Variants in VEZT observed in about 807,000 individuals in gnomAD.
VEZT encodes the protein vezatin, adherens junctions transmembrane protein.
Under a neutral mutation model 79.9 loss-of-function variants are expected in VEZT, and 39 were observed. The observed-to-expected ratio is 0.49, with a 90% CI of 0.38 to 0.64. The LOEUF is 0.64. Ranked by LOEUF, VEZT falls within the 30% of genes least tolerant of loss-of-function variation. VEZT has a pLI of 0.00. For missense variants in VEZT, 837 were observed against 893.1 expected (o/e 0.94, Z 0.80); for synonymous variants, 325 against 327.6 (o/e 0.99, Z 0.09).
intron 1 of VEZT, among the ~76,000 whole-genome samples, chr12:95,226,056 C>G (rs530554073): frequency 9.3e-5 from 14 of 150,284 alleles, no homozygotes; most frequent in Admixed American, 2.0e-4. Context: ...GATGAGGCCA[C>G]TGCACTCTGC....
At chr12:95,273,790 T>G (rs1374109726) in intron 6 of VEZT, among the ~76,000 whole-genome samples, 1 of 152,186 alleles carries the variant, frequency 6.6e-6, no homozygotes, top group African/African-American at 2.4e-5. Flanking sequence ...AAACAAAATG[T>G]TTAAATGGAA....
At chr12:95,269,920 T>C (rs1023073055) in intron 5 of VEZT, 131 bp from the exon 6 acceptor site, 5 of 1,046,022 alleles carry the variant, frequency 4.8e-6, no homozygotes, top group African/African-American at 1.6e-5. Flanking sequence ...ATATGTATAA[T>C]CATTTTCTAG....
At chr12:95,278,051 T>C (rs1157879662) in intron 7 of VEZT, among the ~76,000 whole-genome samples, 4 of 152,234 alleles carry the variant, frequency 2.6e-5, no homozygotes, top group Non-Finnish European at 4.4e-5. Flanking sequence ...CAGGTTTCAC[T>C]CTAGCTCCGT....
At chr12:95,275,017 A>G in intron 7 of VEZT, 128 bp downstream of exon 7, 1 of 1,113,048 alleles carries the variant, frequency 9.0e-7, no homozygotes, top group Non-Finnish European at 1.2e-6. Flanking sequence ...TCATAAATGC[A>G]CGGGTGATGT....
At chr12:95,291,469 A>C (rs2072788647) in intron 9 of VEZT, among the ~76,000 whole-genome samples, 1 of 152,198 alleles carries the variant, frequency 6.6e-6, no homozygotes, top group Non-Finnish European at 1.5e-5. Context: ...TCTGGGATAA[A>C]GGTCTGCAAT....
At chr12:95,238,097 T>C (rs75611952) in intron 1 of VEZT, among the ~76,000 whole-genome samples, 7,071 of 152,286 alleles carry the variant, frequency 0.046, 235 homozygotes, top group Middle Eastern at 0.12. Context: ...ATGATACATA[T>C]GGTGAACTTG....
chr12:95,262,642 C>T (rs2064757318), intron 3 of VEZT, among the ~76,000 whole-genome samples: 1 of 152,156 alleles, frequency 6.6e-6, no homozygotes, highest in Non-Finnish European at 1.5e-5. Context: ...GTTTGTTAAT[C>T]TGTAATTACT....
intron 3 of VEZT, among the ~76,000 whole-genome samples, chr12:95,261,190 C>T (rs972882922): frequency 6.6e-6 from 1 of 152,070 alleles, no homozygotes. Flanking sequence ...ATATATGGTT[C>T]ACCTCATTCT....
At position 95,301,789 on chromosome 12, in the gene VEZT, G is replaced by C. The variant is rs1405817581; in HGVS notation, c.*1116G>C. 3 of 152,220 alleles carry C rather than the reference G, an allele frequency of 2.0e-5. No homozygotes were observed. Among genetic ancestry groups the C allele is most frequent in the Non-Finnish European group, 4.4e-5 (3 of 68,034 alleles). The allele number at this position is 152,220 out of a possible 1,614,324, so 9.4% of individuals were successfully genotyped here. A position where few individuals can be genotyped will look rare whatever the true frequency, so the allele number is the denominator to read the frequency against. On this transcript the variant is annotated 3_prime_UTR_variant, in exon 12 of 12. Coordinates refer to ENST00000436874, the MANE Select transcript of VEZT (RefSeq NM_017599.4). ...TGTCCTAGAAAGGAAATTGCATGAT[G>C]AATCTAGATTGTCTTTAGAGTAAAG...
chr12:95,255,660 T>G (rs1451842395), intron 2 of VEZT, among the ~76,000 whole-genome samples: 2 of 152,192 alleles, frequency 1.3e-5, no homozygotes, highest in East Asian at 3.9e-4. Context: ...CTCGAACTCC[T>G]GACCTTGTGA....
At chr12:95,220,641 C>CT (rs1003773677) in intron 1 of VEZT, among the ~76,000 whole-genome samples, 26 of 149,710 alleles carry the variant, frequency 1.7e-4, no homozygotes, top group South Asian at 1.5e-3. Context: ...TTATTTCTGA[C>CT]TTTTTTTTTT....
chr12:95,299,497 C>T (rs1264823068), intron 11 of VEZT: 1 of 152,032 alleles, frequency 6.6e-6, no homozygotes. Context: ...TTGTATTTTT[C>T]GTGGTACTAC....
At chr12:95,286,422 C>T (rs1043291326) in intron 8 of VEZT, 1 of 527,422 alleles carries the variant, frequency 1.9e-6, no homozygotes, top group Non-Finnish European at 3.8e-6. Context: ...CATCTGAATC[C>T]TTCCATTTCA....
rs1019126799 is a variant in VEZT at position 95,265,909 on chromosome 12, A to G, written c.435-448A>G. Among the ~76,000 whole-genome samples, 9 of 152,180 alleles carry G rather than the reference A, an allele frequency of 5.9e-5. 1 individual carries two copies. The highest frequency in any genetic ancestry group is 5.9e-4 in the Admixed American group (9 of 15,282). Reference sequence around the variant, plus strand: ...CTGACTCAAGACATGTTCTGGGCCAACTTCTGAAGGATTTTGTAGACTGAG... The same window carrying G: ...CTGACTCAAGACATGTTCTGGGCCAGCTTCTGAAGGATTTTGTAGACTGAG... On this transcript the variant is annotated intron_variant, in intron 4 of 11. Coordinates refer to ENST00000436874, the MANE Select transcript of VEZT (RefSeq NM_017599.4).
chr12:95,284,341 TC>T (rs2070013631), intron 8 of VEZT, among the ~76,000 whole-genome samples: 2 of 152,302 alleles, frequency 1.3e-5, no homozygotes, highest in Non-Finnish European at 2.9e-5. Flanking sequence ...CTCACTCCTC[TC>T]CCCCTTGTGT....
At chr12:95,294,091 T>G in intron 9 of VEZT, 181 bp from the exon 10 acceptor site, 1 of 509,924 alleles carries the variant, frequency 2.0e-6, no homozygotes, top group South Asian at 2.1e-5. Flanking sequence ...AGAGTCTTTG[T>G]TTCCAGGCTG....
At chr12:95,243,920 C>T (rs896672103) in intron 1 of VEZT, 1 of 455,798 alleles carries the variant, frequency 2.2e-6, no homozygotes, top group Non-Finnish European at 4.4e-6. Context: ...CCGCTTTGAC[C>T]TTCTACCATA....
intron 2 of VEZT, among the ~76,000 whole-genome samples, chr12:95,253,213 C>T (rs2062895203): frequency 6.6e-6 from 1 of 152,120 alleles, no homozygotes; most frequent in African/African-American, 2.4e-5. Context: ...CTAGTTTAAT[C>T]AGTGTTTTAT....
At chr12:95,229,155 C>T (rs183348734) in intron 1 of VEZT, among the ~76,000 whole-genome samples, 1 of 152,196 alleles carries the variant, frequency 6.6e-6, no homozygotes, top group East Asian at 1.9e-4. Flanking sequence ...GTTTTGGCTT[C>T]TTCACAGATC....
Sources: allele counts gnomAD v4.1 joint callset (sites outside exome capture counted in the v4.1 genomes callset), GRCh38; gene constraint gnomAD v4.1.1; transcripts MANE v1.5; gene names NCBI Gene and HGNC (gene_info 2026-07-23, HGNC 2026-07-21).